PRKCH: variants seen among roughly 807,000 people sequenced by gnomAD.
The protein encoded by PRKCH is protein kinase C eta.
In PRKCH, 28 loss-of-function variants were observed where a neutral mutation model predicts 82.5. That is an observed-to-expected ratio of 0.34 (90% CI 0.25 to 0.47). The LOEUF (loss-of-function observed/expected upper bound fraction) is 0.47, where lower values mean the gene tolerates loss of function less well. PRKCH is among the 20% of genes least tolerant of loss of function. PRKCH has a pLI of 1.00. For synonymous variants in PRKCH, 322 were observed against 327.4 expected, an observed-to-expected ratio of 0.98 and a Z score of 0.18; for missense variants, 705 against 881.8, an observed-to-expected ratio of 0.80 and a Z score of 2.54.
Position 61,322,333 on chromosome 14 carries a change from G to T in PRKCH, c.232G>T (p.Asp78Tyr). The T allele has an allele frequency of 6.2e-7, 1 of 1,613,344 alleles. No individual in the cohort carries two copies. The highest frequency in any genetic ancestry group is 8.5e-7 in the Non-Finnish European group (1 of 1,179,940). The change falls in exon 1 of 14, where the codon GAC (aspartate) becomes TAC (tyrosine). Residue 78 changes from aspartate to tyrosine, a missense_variant. Coordinates refer to ENST00000332981, the MANE Select transcript of PRKCH (RefSeq NM_006255.5). ...CGAGGAGTTTTGCGCTAACGTCACC[G>T]ACGGCGGCCACCTCGAGTTGGCCGT... ...YNEEFCANVT[D>Y]GGHLELAVFH...
chr14:61,359,518 T>C (rs1377509105), intron 1 of PRKCH, among the ~76,000 whole-genome samples: 1 of 152,264 alleles, frequency 6.6e-6, no homozygotes, highest in Non-Finnish European at 1.5e-5. Context: ...TGGGAGATAC[T>C]GCAGGTGTAA....
intron 10 of PRKCH, among the ~76,000 whole-genome samples, chr14:61,523,572 A>AT (rs1566927557): frequency 6.6e-6 from 1 of 152,226 alleles, no homozygotes; most frequent in Non-Finnish European, 1.5e-5. Flanking sequence ...TATTTTGAGG[A>AT]TAAAATAAGA....
At chr14:61,287,484 G>A (rs1490907835) in intron 1 of PRKCH, among the ~76,000 whole-genome samples, 2 of 152,034 alleles carry the variant, frequency 1.3e-5, no homozygotes, top group Admixed American at 6.5e-5. Context: ...GCCAAGGCAG[G>A]CAGATCACTT....
intron 2 of PRKCH, among the ~76,000 whole-genome samples, chr14:61,426,240 A>AT (rs1002588362): frequency 3.9e-5 from 6 of 152,210 alleles, no homozygotes; most frequent in African/African-American, 1.4e-4. Context: ...GTAGAGGAAC[A>AT]TTTACATGTC....
At chr14:61,395,033 C>A (rs879453083) in intron 2 of PRKCH, among the ~76,000 whole-genome samples, 3 of 152,136 alleles carry the variant, frequency 2.0e-5, no homozygotes, top group Non-Finnish European at 2.9e-5. Flanking sequence ...TTAAAAGATG[C>A]TGGAAGAGCT....
At chr14:61,395,819 C>T (rs1002100588) in intron 2 of PRKCH, among the ~76,000 whole-genome samples, 3 of 152,144 alleles carry the variant, frequency 2.0e-5, no homozygotes, top group African/African-American at 4.8e-5. Flanking sequence ...GTGTCTCACA[C>T]CTGTAATCCC....
intron 10 of PRKCH, among the ~76,000 whole-genome samples, chr14:61,506,120 G>GAA (rs1174310541): frequency 6.6e-6 from 1 of 152,116 alleles, no homozygotes; most frequent in Non-Finnish European, 1.5e-5. Flanking sequence ...GGGTCTCGGA[G>GAA]AAAAAGAGAG....
chr14:61,521,490 G>T (rs1453872799), intron 10 of PRKCH, among the ~76,000 whole-genome samples: 3 of 151,986 alleles, frequency 2.0e-5, no homozygotes, highest in African/African-American at 7.2e-5. Flanking sequence ...CAGAGATTGA[G>T]AATTTAACCT....
At chr14:61,238,669 G>A (rs1594868037) in intron 1 of PRKCH, among the ~76,000 whole-genome samples, 1 of 152,060 alleles carries the variant, frequency 6.6e-6, no homozygotes, top group Non-Finnish European at 1.5e-5. Context: ...CTTTATCAAT[G>A]TTTTCTTTAT....
At chr14:61,431,850 A>T (rs1055605944) in intron 2 of PRKCH, among the ~76,000 whole-genome samples, 1 of 152,164 alleles carries the variant, frequency 6.6e-6, no homozygotes, top group Non-Finnish European at 1.5e-5. Flanking sequence ...ATGTGGCTGC[A>T]TTGCATGTCT....
Position 61,210,813 on chromosome 14 carries a change from T to TGCGCGTGC in PRKCH, c.-19+23148_-19+23149insCGTGCGCG, listed in dbSNP as rs59643677. Among the ~76,000 whole-genome samples, 520 of 151,242 alleles carry TGCGCGTGC rather than the reference T, an allele frequency of 3.4e-3. 9 individuals carry two copies. The East Asian group carries it at 0.054, about 16-fold the overall frequency. On this transcript the variant is annotated intron_variant, in intron 1 of 3. Coordinates refer to the PRKCH transcript ENST00000555185. ...CTCTGTGTGTGTGTGTGTGTGTGTGTGCGTGCACGCGTGCATTCCATATTG... is the reference window on the plus strand; with the variant it reads ...CTCTGTGTGTGTGTGTGTGTGTGTGTGCGCGTGCGCGTGCACGCGTGCATTCCATATTG...
intron 1 of PRKCH, among the ~76,000 whole-genome samples, chr14:61,259,049 T>A (rs2045023014): frequency 6.6e-6 from 1 of 152,210 alleles, no homozygotes. Context: ...CTTTTCTTCC[T>A]GCCCCAAAGG....
Position 61,547,781 on chromosome 14 carries a change from GACT to G in PRKCH, c.1801_1803del (p.Thr601del). The G allele has an allele frequency of 6.2e-7, 1 of 1,614,190 alleles. No individual in the cohort carries two copies. The highest frequency in any genetic ancestry group is 8.5e-7 in the Non-Finnish European group (1 of 1,180,026). On this transcript the variant is annotated inframe_deletion, in exon 13 of 14. Coordinates refer to ENST00000332981, the MANE Select transcript of PRKCH (RefSeq NM_006255.5). ...ACCCCACCATGCGCTTGGGCAGCCT[GACT>G]CAGGGAGGCGAGCACGCCATCTTGA...
chr14:61,549,465 A>C, intron 13 of PRKCH, among the ~76,000 whole-genome samples: 1 of 152,202 alleles, frequency 6.6e-6, no homozygotes, highest in South Asian at 2.1e-4. Flanking sequence ...CAAGATTTTC[A>C]TGGGATTAGT....
chr14:61,411,877 C>G (rs1882285427), intron 2 of PRKCH, among the ~76,000 whole-genome samples: 1 of 152,178 alleles, frequency 6.6e-6, no homozygotes, highest in East Asian at 1.9e-4. Flanking sequence ...TTCTGGTGCT[C>G]ACACGGGGCC....
At chr14:61,333,588 G>T (rs966848638) in intron 1 of PRKCH, among the ~76,000 whole-genome samples, 1 of 151,788 alleles carries the variant, frequency 6.6e-6, no homozygotes, top group Admixed American at 6.6e-5. Flanking sequence ...ATGGCTTCTG[G>T]TGAAATATAC....
intron 2 of PRKCH, among the ~76,000 whole-genome samples, chr14:61,406,435 G>A (rs1425453340): frequency 1.3e-5 from 2 of 152,264 alleles, no homozygotes; most frequent in East Asian, 1.9e-4. Context: ...AATCAGGATG[G>A]GAATGTTGGC....
At chr14:61,268,845 C>T (rs2045127134) in intron 1 of PRKCH, among the ~76,000 whole-genome samples, 1 of 152,166 alleles carries the variant, frequency 6.6e-6, no homozygotes, top group Non-Finnish European at 1.5e-5. Flanking sequence ...TCTGGAAAGA[C>T]TCTGGAGGCT....
chr14:61,353,806 A>G (rs1165793021), intron 1 of PRKCH: 1 of 152,212 alleles, frequency 6.6e-6, no homozygotes, highest in East Asian at 1.9e-4. Context: ...GCATGGTGGC[A>G]CATGACTGTG....
Sources: gnomAD v4.1 joint callset for allele counts (sites outside exome capture counted in the v4.1 genomes callset) on GRCh38, gnomAD v4.1.1 for gene constraint, MANE v1.5 for transcripts, NCBI Gene and HGNC (gene_info 2026-07-23, HGNC 2026-07-21) for gene names.